Variants in RELN observed in about 807,000 individuals in gnomAD.
The protein encoded by RELN is reelin.
Under a neutral mutation model 427.6 loss-of-function variants are expected in RELN, and 108 were observed. The ratio of observed to expected loss-of-function variants is 0.25; its 90% confidence interval spans 0.22 to 0.30. RELN has a LOEUF of 0.30. Ranked by LOEUF, RELN falls within the 10% of genes least tolerant of loss-of-function variation. The pLI is 1.00. For synonymous variants in RELN, 1,524 were observed against 1,513.4 expected, an observed-to-expected ratio of 1.01 and a Z score of -0.16; for missense variants, 3,715 against 4,302.8, an observed-to-expected ratio of 0.86 and a Z score of 3.82.
rs1399018697 is a variant in RELN, at chr7:103,700,942, G to T, written c.870C>A (p.Asn290Lys). Reference sequence around the variant, plus strand: ...TCTCTAGCTGAATCCAGTCCGCAGAGTTATTCTTGGCATATAACACGATGA... The same window carrying T: ...TCTCTAGCTGAATCCAGTCCGCAGATTTATTCTTGGCATATAACACGATGA... Reference protein sequence around the residue: ...PSIIVLYAKNNSADWIQLEKI... With the variant: ...PSIIVLYAKNKSADWIQLEKI... Residue 290 changes from asparagine (N) to lysine (K), a missense_variant, in exon 9 of 65, where the codon AAC (asparagine) becomes AAA (lysine). Transcript: ENST00000428762. 2 of 1,611,388 alleles carry T rather than the reference G, an allele frequency of 1.2e-6. No individual in the cohort carries two copies. The highest frequency in any genetic ancestry group is 2.2e-5 in the South Asian group (2 of 91,002).
chr7:103,773,148 CTTTCTTTCTTTCTT>C (rs1257016330), intron 4 of RELN, among the ~76,000 whole-genome samples: 6 of 95,052 alleles, frequency 6.3e-5, no homozygotes, highest in African/African-American at 2.1e-4. Flanking sequence ...TTCTTTCTTT[CTTTCTTTCTTTCTT>C]TCTTTTTCTT....
At chr7:103,942,050 A>G (rs1246773258) in intron 1 of RELN, among the ~76,000 whole-genome samples, 1 of 152,114 alleles carries the variant, frequency 6.6e-6, no homozygotes, top group Non-Finnish European at 1.5e-5. Context: ...TTTACACACT[A>G]TACATTTTCA....
intron 9 of RELN, among the ~76,000 whole-genome samples, chr7:103,698,961 T>C (rs1834034927): frequency 6.6e-6 from 1 of 152,208 alleles, no homozygotes. Flanking sequence ...AAATGTGAGA[T>C]TTGCCATAAT....
chr7:103,478,835 A>G (rs1828129246), intron 63 of RELN, among the ~76,000 whole-genome samples: 1 of 152,208 alleles, frequency 6.6e-6, no homozygotes, highest in South Asian at 2.1e-4. Context: ...ATCATATTTA[A>G]TAAAGGACAA....
chr7:103,825,043 T>A (rs1793102089), intron 3 of RELN, among the ~76,000 whole-genome samples: 1 of 152,056 alleles, frequency 6.6e-6, no homozygotes, highest in Non-Finnish European at 1.5e-5. Flanking sequence ...CAGTACTCAA[T>A]AATTAAAATT....
chr7:103,511,059 G>C, intron 50 of RELN, 54 bp from the exon 51 acceptor site: 1 of 1,359,812 alleles, frequency 7.4e-7, no homozygotes, highest in Non-Finnish European at 1.0e-6. Context: ...AATACTTGAA[G>C]CAAATTTTCA....
chr7:103,748,095 C>T (rs1790892334), intron 6 of RELN, among the ~76,000 whole-genome samples: 1 of 146,414 alleles, frequency 6.8e-6, no homozygotes, highest in South Asian at 2.1e-4. Flanking sequence ...AGCAAAATGT[C>T]TGAAGGAAAA....
At chr7:103,922,837 T>A (rs1397844205) in intron 1 of RELN, among the ~76,000 whole-genome samples, 2 of 152,158 alleles carry the variant, frequency 1.3e-5, no homozygotes, top group Non-Finnish European at 2.9e-5. Flanking sequence ...TAAATTTTGA[T>A]CATTTCCAGC....
intron 41 of RELN, among the ~76,000 whole-genome samples, chr7:103,549,504 A>C (rs1338007175): frequency 6.6e-6 from 1 of 152,196 alleles, no homozygotes; most frequent in Non-Finnish European, 1.5e-5. Flanking sequence ...GCAGTGCCTA[A>C]GCTATCTAGG....
intron 8 of RELN, among the ~76,000 whole-genome samples, chr7:103,710,768 G>A (rs938826692): frequency 3.9e-5 from 6 of 152,192 alleles, no homozygotes; most frequent in Non-Finnish European, 5.9e-5. Flanking sequence ...ATGGCCAGCC[G>A]GGCGTGGTGG....
intron 1 of RELN, among the ~76,000 whole-genome samples, chr7:103,924,312 G>A (rs1795678685): frequency 2.0e-5 from 3 of 152,068 alleles, no homozygotes; most frequent in Admixed American, 2.0e-4. Flanking sequence ...ATTTTATATG[G>A]ATCTGTGCTG....
chr7:103,520,585 T>C (rs962829291), intron 48 of RELN, among the ~76,000 whole-genome samples: 1 of 152,150 alleles, frequency 6.6e-6, no homozygotes. Context: ...AATAGATGAC[T>C]ATTTTAATAT....
intron 2 of RELN, among the ~76,000 whole-genome samples, chr7:103,889,802 A>T (rs1039478150): frequency 6.6e-6 from 1 of 152,150 alleles, no homozygotes; most frequent in African/African-American, 2.4e-5. Context: ...AAGACACTAT[A>T]AAAAGCACCA....
rs368699237 is a variant in RELN at position 103,644,288 on chromosome 7, C to CA, written c.2003-3680dup. 5.1e-3 allele frequency among the ~76,000 whole-genome samples: 769 copies of CA among 151,456 alleles called. 3 individuals carry two copies. Among genetic ancestry groups the CA allele is most frequent in the Non-Finnish European group, 8.7e-3 (588 of 67,730 alleles). Reference sequence around the variant, plus strand: ...TCCTTGAAATACCAGATAAAGAATTCAAAATATTAATTTTAAATAATCTCA... The same window carrying CA: ...TCCTTGAAATACCAGATAAAGAATTCAAAAATATTAATTTTAAATAATCTCA... On this transcript the variant is annotated intron_variant, in intron 16 of 64. Transcript: ENST00000428762.
At position 103,520,954 on chromosome 7, in the gene RELN, G is replaced by GTTGTTT. The variant is rs1462369530; in HGVS notation, c.7668+1067_7668+1068insAAACAA. Among the ~76,000 whole-genome samples, 4 of 78,188 alleles carry GTTGTTT rather than the reference G, an allele frequency of 5.1e-5. No homozygotes were observed. In the East Asian group the frequency reaches 1.9e-3, roughly 36 times the overall value. 51.3% of individuals were successfully genotyped at this position (78,188 alleles called of 152,430 possible). On this transcript the variant is annotated intron_variant, in intron 48 of 64. Transcript: ENST00000428762. ...GAAATAAAGAGCTGGCAGTAAATTT[G>GTTGTTT]TTATTTTTTTTTTTTTTTTTTTTTT...
intron 2 of RELN, among the ~76,000 whole-genome samples, chr7:103,905,317 T>A (rs1156347237): frequency 1.3e-5 from 2 of 152,136 alleles, no homozygotes. Flanking sequence ...TTAATCACTG[T>A]CCTACCTGCA....
Position 103,636,232 on chromosome 7 carries a change from C to G in RELN, c.2303+3G>C. On this transcript the variant is annotated splice_donor_region_variant and intron_variant, in intron 18 of 64. Coordinates refer to ENST00000428762, the MANE Select transcript of RELN (RefSeq NM_005045.4). ...GTATGTATTCTACCCTGCCTTCACT[C>G]ACCTGGATTGTGAGCTGTCAAGGAA... 2 of 1,602,024 alleles carry G rather than the reference C, an allele frequency of 1.2e-6. No individual in the cohort carries two copies.
At chr7:103,827,408 A>T (rs1234949083) in intron 3 of RELN, among the ~76,000 whole-genome samples, 1 of 152,068 alleles carries the variant, frequency 6.6e-6, no homozygotes, top group African/African-American at 2.4e-5. Flanking sequence ...TAAAATAGAT[A>T]TGTTGTACAA....
intron 1 of RELN, among the ~76,000 whole-genome samples, chr7:103,938,619 T>G (rs1003085072): frequency 6.6e-6 from 1 of 152,242 alleles, no homozygotes; most frequent in Non-Finnish European, 1.5e-5. Flanking sequence ...CTAATTATGT[T>G]GTGTTTCACT....
Sources: allele counts gnomAD v4.1 joint callset (sites outside exome capture counted in the v4.1 genomes callset), GRCh38; gene constraint gnomAD v4.1.1; transcripts MANE v1.5; gene names NCBI Gene and HGNC (gene_info 2026-07-23, HGNC 2026-07-21).